DCLRE1C: variants seen among roughly 807,000 people sequenced by gnomAD.
The protein encoded by DCLRE1C is DNA cross-link repair 1C, also known as protein artemis.
Under a neutral mutation model 61.4 loss-of-function variants are expected in DCLRE1C, and 47 were observed. The ratio of observed to expected loss-of-function variants is 0.77; its 90% CI spans 0.61 to 0.98. The LOEUF (loss-of-function observed/expected upper bound fraction) is 0.98, where lower values mean the gene tolerates loss of function less well. DCLRE1C is among the 50% of genes least tolerant of loss of function. The pLI is 0.00. For synonymous variants in DCLRE1C, 337 were observed against 287.6 expected (o/e 1.17, Z -1.74); for missense variants, 858 against 816.0 (o/e 1.05, Z -0.63).
intron 2 of DCLRE1C, among the ~76,000 whole-genome samples, chr10:14,948,461 G>C (rs1040565618): frequency 1.3e-5 from 2 of 152,104 alleles, no homozygotes; most frequent in African/African-American, 4.8e-5. Flanking sequence ...CTTTACAATG[G>C]AACAGCCATT....
intron 11 of DCLRE1C, 56 bp from the exon 12 acceptor site, chr10:14,923,125 G>A (rs774631706): frequency 5.8e-6 from 8 of 1,373,434 alleles, no homozygotes; most frequent in Non-Finnish European, 6.2e-6. Flanking sequence ...CAGGTTGTTA[G>A]GGGAGATAAA....
rs1473432471 is a variant in DCLRE1C at position 14,909,192 on chromosome 10, G to A, written c.1295C>T (p.Thr432Ile). 1 of 1,614,096 alleles carries A rather than the reference G, an allele frequency of 6.2e-7. No individual in the cohort carries two copies. Among genetic ancestry groups the A allele is most frequent in the East Asian group, 2.2e-5 (1 of 44,888 alleles). ...SEKQPEKLRQ[T>I]PGCCRAECMQ... Reference sequence around the variant, plus strand: ...ACACTCTGCTCTGCAGCATCCTGGGGTTTGTCTCAGTTTTTCAGGCTGCTT... The same window carrying A: ...ACACTCTGCTCTGCAGCATCCTGGGATTTGTCTCAGTTTTTCAGGCTGCTT... The change falls in exon 14 of 14, where the codon ACC becomes ATC. Residue 432 changes from threonine to isoleucine, a missense_variant. Physicochemically the swap from Thr to Ile is moderately conservative, Grantham distance 89. This residue lies in a region of DCLRE1C where 843 missense variants were observed against 783.5 expected (regional missense o/e 1.08). Transcript: ENST00000378278.
chr10:14,912,459 G>C (rs924072096), intron 13 of DCLRE1C, among the ~76,000 whole-genome samples: 1 of 152,134 alleles, frequency 6.6e-6, no homozygotes, highest in African/African-American at 2.4e-5. Context: ...CCAACAGAAA[G>C]ATACGTAAAG....
chr10:14,919,783 G>GTT lies in DCLRE1C; in HGVS notation c.1109_1110dup (p.Pro371AsnfsTer6). The GTT allele has an allele frequency of 6.2e-7, 1 of 1,613,974 alleles. No homozygotes were observed. The highest frequency in any genetic ancestry group is 8.5e-7 in the Non-Finnish European group (1 of 1,179,942). On this transcript the variant is annotated frameshift_variant, in exon 13 of 14. Coordinates refer to ENST00000378278, the MANE Select transcript of DCLRE1C (RefSeq NM_001033855.3). LOFTEE classifies it low-confidence loss of function (END_TRUNC). ...CTAGCTCTCTTCAGTTTTCCCAGTG[G>GTT]TTTATACTTTGGCTCCGTACTTTGG...
intron 12 of DCLRE1C, among the ~76,000 whole-genome samples, 158 bp downstream of exon 12, chr10:14,922,823 A>C (rs1837335948): frequency 6.6e-6 from 1 of 152,196 alleles, no homozygotes; most frequent in South Asian, 2.1e-4. Context: ...GTGGAACTAA[A>C]GGAAACACTC....
chr10:14,916,031 G>C (rs1037207117), intron 13 of DCLRE1C, among the ~76,000 whole-genome samples: 1 of 152,044 alleles, frequency 6.6e-6, no homozygotes, highest in African/African-American at 2.4e-5. Flanking sequence ...CAGAAAAAGC[G>C]TTAGACAAAA....
At chr10:14,928,251 G>A (rs919031024) in intron 9 of DCLRE1C, 99 bp from the exon 10 acceptor site, 57 of 1,050,528 alleles carry the variant, frequency 5.4e-5, no homozygotes, top group Middle Eastern at 2.6e-4. Context: ...TTCCAGACAC[G>A]AAAAAATAAA....
Position 14,905,992 on chromosome 10 carries a change from A to G in DCLRE1C, c.*2416T>C, listed in dbSNP as rs1460621935. ...GCGAGACTCCATCTTGAAAAGTAAA[A>G]AACAAAAACTTCATGTTTCCTCTTG... is the stretch of plus-strand genomic sequence containing the variant. On this transcript the variant is annotated 3_prime_UTR_variant, in exon 14 of 14. Coordinates refer to ENST00000378278, the MANE Select transcript of DCLRE1C (RefSeq NM_001033855.3). Among the ~76,000 whole-genome samples the G allele has an allele frequency of 2.6e-5, 4 of 152,160 alleles. No individual in the cohort carries two copies. Among genetic ancestry groups the G allele is most frequent in the African/African-American group, 9.7e-5 (4 of 41,438 alleles).
At chr10:14,918,093 A>C (rs1394895556) in intron 13 of DCLRE1C, among the ~76,000 whole-genome samples, 1 of 152,222 alleles carries the variant, frequency 6.6e-6, no homozygotes, top group Non-Finnish European at 1.5e-5. Flanking sequence ...CACTTTGGAA[A>C]ACATTTTGGC....
intron 4 of DCLRE1C, among the ~76,000 whole-genome samples, chr10:14,937,966 C>T (rs1840242637): frequency 6.7e-6 from 1 of 148,178 alleles, no homozygotes; most frequent in Admixed American, 6.7e-5. Context: ...GCACATCATA[C>T]TGTTCGGCAA....
At chr10:14,901,334 CT>C, downstream of DCLRE1C, 2 of 1,582,986 alleles carry the variant, frequency 1.3e-6, no homozygotes, top group Non-Finnish European at 1.7e-6. Flanking sequence ...AGGAACAGAC[CT>C]TAGATATTTG....
At chr10:14,945,219 T>C (rs1339318064) in intron 2 of DCLRE1C, 30 bp from the exon 3 acceptor site, 1 of 1,593,010 alleles carries the variant, frequency 6.3e-7, no homozygotes, top group African/African-American at 1.3e-5. Flanking sequence ...AAACTTTCAG[T>C]ACAATCCAAA....
rs1415631459 is a variant in DCLRE1C at position 14,905,721 on chromosome 10, A to T, written c.*2687T>A. Among the ~76,000 whole-genome samples the T allele has an allele frequency of 6.6e-6, 1 of 152,190 alleles. No individual in the cohort carries two copies. Among genetic ancestry groups the T allele is most frequent in the African/African-American group, 2.4e-5 (1 of 41,430 alleles). ...ATGTTTCGGCTGGACACGGTAGCTG[A>T]CGCCTGTAATCCCAGCACTTTGGGA... is the stretch of plus-strand genomic sequence containing the variant. On this transcript the variant is annotated 3_prime_UTR_variant, in exon 14 of 14. Coordinates refer to ENST00000378278, the MANE Select transcript of DCLRE1C (RefSeq NM_001033855.3).
At chr10:14,912,302 C>T (rs1031120721) in intron 13 of DCLRE1C, among the ~76,000 whole-genome samples, 6 of 152,098 alleles carry the variant, frequency 3.9e-5, no homozygotes, top group Middle Eastern at 3.2e-3. Flanking sequence ...GTGATCCATC[C>T]GCCTCGGCCT....
chr10:14,932,990 A>T, intron 8 of DCLRE1C, 35 bp from the exon 9 acceptor site: 1 of 1,598,300 alleles, frequency 6.3e-7, no homozygotes, highest in Non-Finnish European at 8.6e-7. Flanking sequence ...AAATTATGTG[A>T]AATGTATTTC....
chr10:14,954,075 G>T lies in DCLRE1C; in HGVS notation c.-65C>A. 3 of 1,604,850 alleles carry T rather than the reference G, an allele frequency of 1.9e-6. No homozygotes were observed. The highest frequency in any genetic ancestry group is 1.7e-5 in the Admixed American group (1 of 59,014). On this transcript the variant is annotated 5_prime_UTR_variant, in exon 1 of 14. Transcript: ENST00000378278. ...GCTGAAGCCAAGGCCAGCCCTGACC[G>T]CGCCGCCACTTCCGGGAAGCCGCGC...
chr10:14,898,399 A>G (rs1040611883), exon 14 of DCLRE1C: 1 of 151,786 alleles, frequency 6.6e-6, no homozygotes, highest in Non-Finnish European at 1.5e-5. Flanking sequence ...GTGACTAGAA[A>G]GACACAAGCA....
chr10:14,951,682 C>A (rs1158131705), intron 1 of DCLRE1C, among the ~76,000 whole-genome samples: 1 of 152,178 alleles, frequency 6.6e-6, no homozygotes, highest in African/African-American at 2.4e-5. Context: ...GCCGCCTTCT[C>A]ACTATGCACT....
chr10:14,922,328 C>T (rs924502329), intron 12 of DCLRE1C, among the ~76,000 whole-genome samples: 1 of 151,852 alleles, frequency 6.6e-6, no homozygotes, highest in South Asian at 2.1e-4. Flanking sequence ...GTAGTCACAG[C>T]TACTCGGGAG....
Sources: allele counts gnomAD v4.1 joint callset (sites outside exome capture counted in the v4.1 genomes callset), GRCh38; gene constraint gnomAD v4.1.1; regional missense constraint gnomAD v4.1.1; transcripts MANE v1.5; gene names NCBI Gene and HGNC (gene_info 2026-07-23, HGNC 2026-07-21).